The following RBFOX2 variants were observed in gnomAD, a reference collection of about 807,000 sequenced individuals.
RBFOX2 encodes the protein RNA binding fox-1 homolog 2, also known as RNA binding protein fox-1 homolog 2.
RBFOX2 carries 10 observed loss-of-function variants against 49.1 expected under a neutral mutation model. The observed-to-expected ratio is 0.20, with a 90% CI of 0.13 to 0.35. The LOEUF (loss-of-function observed/expected upper bound fraction) is 0.35. Ranked by LOEUF, RBFOX2 falls within the 10% of genes least tolerant of loss-of-function variation. The pLI is 1.00. For synonymous variants in RBFOX2, 183 were observed against 187.4 expected, an observed-to-expected ratio of 0.98 and a Z score of 0.19; for missense variants, 323 against 486.9, an observed-to-expected ratio of 0.66 and a Z score of 3.17.
Position 35,840,297 on chromosome 22 carries a change from T to TC in RBFOX2, c.-80dup, listed in dbSNP as rs943143980. On this transcript the variant is annotated 5_prime_UTR_variant, in exon 1 of 12. Transcript: ENST00000405409. ...TCCACAGCTTTCTTTTCCACCCCCCTCCCCCCCCAATCTAGCTATTTAAGG... is the reference window on the plus strand; with the variant it reads ...TCCACAGCTTTCTTTTCCACCCCCCTCCCCCCCCCAATCTAGCTATTTAAGG... The TC allele has an allele frequency of 5.1e-4, 551 of 1,089,696 alleles. 3 individuals carry two copies. Among genetic ancestry groups the TC allele is most frequent in the South Asian group, 3.9e-3 (312 of 80,114 alleles). 67.5% of individuals were successfully genotyped at this position (1,089,696 alleles called of 1,614,324 possible).
At chr22:36,003,585 T>C (rs2058511351) in intron 1 of RBFOX2, among the ~76,000 whole-genome samples, 1 of 152,242 alleles carries the variant, frequency 6.6e-6, no homozygotes, top group Admixed American at 6.5e-5. Context: ...CTTATACGTT[T>C]GAGTTTTTGG....
intron 1 of RBFOX2, among the ~76,000 whole-genome samples, chr22:35,816,073 T>A (rs990257365): frequency 2.0e-5 from 3 of 152,016 alleles, no homozygotes; most frequent in South Asian, 2.1e-4. Context: ...TCCGTTTTTT[T>A]AAAAAAATTA....
At chr22:35,860,858 G>C (rs1288905478) in intron 1 of RBFOX2, among the ~76,000 whole-genome samples, 1 of 152,060 alleles carries the variant, frequency 6.6e-6, no homozygotes, top group East Asian at 1.9e-4. Flanking sequence ...TCAAATAAAG[G>C]GTTTTTAAAG....
chr22:35,958,694 G>C (rs1220649155), intron 1 of RBFOX2, among the ~76,000 whole-genome samples: 1 of 152,122 alleles, frequency 6.6e-6, no homozygotes, highest in East Asian at 1.9e-4. Context: ...TTCTTGCTTG[G>C]AACCAATCTA....
At position 35,880,263 on chromosome 22, in the gene RBFOX2, T is replaced by A. The variant is rs111688075; in HGVS notation, c.-34+58584A>T. ...GACCGCAGTGAGGGAGAAAGAGGAGTCCAGGATGACTAAGGTTTTTTTTAG... is the reference window on the plus strand; with the variant it reads ...GACCGCAGTGAGGGAGAAAGAGGAGACCAGGATGACTAAGGTTTTTTTTAG... On this transcript the variant is annotated intron_variant, in intron 1 of 13. Transcript: ENST00000359369. Among the ~76,000 whole-genome samples, 708 of 151,460 alleles carry A rather than the reference T, an allele frequency of 4.7e-3. 9 individuals carry two copies. Among genetic ancestry groups the A allele is most frequent in the African/African-American group, 0.016 (650 of 41,254 alleles).
chr22:35,893,207 G>A (rs982374234), intron 1 of RBFOX2, among the ~76,000 whole-genome samples: 6 of 152,204 alleles, frequency 3.9e-5, no homozygotes, highest in African/African-American at 1.4e-4. Flanking sequence ...GGACTCCCAA[G>A]CCCCAGCTGG....
intron 4 of RBFOX2, among the ~76,000 whole-genome samples, chr22:35,770,477 A>G (rs1180119258): frequency 6.6e-6 from 1 of 152,180 alleles, no homozygotes; most frequent in Non-Finnish European, 1.5e-5. Context: ...CATGAAGTAA[A>G]AAGAATAGAC....
intron 1 of RBFOX2, among the ~76,000 whole-genome samples, chr22:35,862,377 AGG>A (rs200607881): frequency 2.2e-5 from 2 of 92,026 alleles, no homozygotes; most frequent in East Asian, 6.1e-4. Context: ...TTTTCTTTGG[AGG>A]GGGGGGGGAA....
chr22:35,875,612 GTGTGTGTGTGTGTGTGT>G (rs2044957608), intron 1 of RBFOX2, among the ~76,000 whole-genome samples: 1 of 24,488 alleles, frequency 4.1e-5, no homozygotes, highest in African/African-American at 1.2e-4. Flanking sequence ...ACAAGGGTGT[GTGTGTGTGTGTGTGTGT>G]GTGTGTGTGT....
chr22:36,024,953 G>A (rs898503343), intron 1 of RBFOX2, among the ~76,000 whole-genome samples: 10 of 151,590 alleles, frequency 6.6e-5, no homozygotes, highest in East Asian at 3.9e-4. Flanking sequence ...GATTACAGGC[G>A]CCTGCCACCA....
chr22:36,000,216 G>T (rs1324403796), intron 1 of RBFOX2: 1 of 152,054 alleles, frequency 6.6e-6, no homozygotes, highest in Non-Finnish European at 1.5e-5. Context: ...GGCCAGGCTG[G>T]TCTCAAACTC....
intron 1 of RBFOX2, chr22:35,997,978 G>T (rs1010047154): frequency 3.3e-5 from 5 of 152,086 alleles, no homozygotes; most frequent in African/African-American, 1.2e-4. Flanking sequence ...CTCCAGACTG[G>T]GTGACAGAGT....
At chr22:35,964,766 C>T (rs1293895850), upstream of RBFOX2, among the ~76,000 whole-genome samples, 1 of 152,178 alleles carries the variant, frequency 6.6e-6, no homozygotes, top group African/African-American at 2.4e-5. Flanking sequence ...CACGTGTCTG[C>T]TACCCATGTG....
chr22:35,849,292 CACACAA>C (rs59428714), intron 1 of RBFOX2, among the ~76,000 whole-genome samples: 8,059 of 128,512 alleles, frequency 0.063, 704 homozygotes, highest in African/African-American at 0.27. Flanking sequence ...CACACATACA[CACACAA>C]ACACACACAC....
intron 1 of RBFOX2, among the ~76,000 whole-genome samples, chr22:35,866,883 A>T (rs763817747): frequency 2.0e-5 from 3 of 152,210 alleles, no homozygotes; most frequent in Non-Finnish European, 4.4e-5. Context: ...GGCTCTAACC[A>T]GGAGTCTCAA....
rs182807495 is a variant in RBFOX2 at position 35,861,245 on chromosome 22, T to C, written c.-33-51241A>G. Among the ~76,000 whole-genome samples the C allele has an allele frequency of 6.6e-5, 10 of 152,274 alleles. No individual in the cohort carries two copies. The East Asian group carries it at 1.9e-3, about 29-fold the overall frequency. ...AGGAGAAAACTTCTGTGACCTTGGATTAGGCAAAGATTTCTAAGCTATAAC... is the reference window on the plus strand; with the variant it reads ...AGGAGAAAACTTCTGTGACCTTGGACTAGGCAAAGATTTCTAAGCTATAAC... On this transcript the variant is annotated intron_variant, in intron 1 of 13. Transcript: ENST00000359369.
chr22:36,024,596 CG>C (rs756828180), intron 1 of RBFOX2, among the ~76,000 whole-genome samples: 32 of 151,846 alleles, frequency 2.1e-4, no homozygotes, highest in Non-Finnish European at 3.8e-4. Context: ...CAAAAATTAG[CG>C]GGGTGTGGTG....
At chr22:35,856,997 A>C (rs1445402008) in intron 1 of RBFOX2, among the ~76,000 whole-genome samples, 3 of 152,198 alleles carry the variant, frequency 2.0e-5, no homozygotes, top group Admixed American at 1.3e-4. Context: ...GCACCACTGC[A>C]CTCCAGCATG....
rs373230919 is a variant in RBFOX2 at position 36,007,389 on chromosome 22, T to C, written c.186+20851A>G. ...CATGCGCCACCACACAAGTACTATT[T>C]TTTATTTGTGGTAAGCAGAATTGGC... is the stretch of plus-strand genomic sequence containing the variant. On this transcript the variant is annotated intron_variant, in intron 1 of 13. Transcript: ENST00000438146. Among the ~76,000 whole-genome samples the C allele has an allele frequency of 2.0e-4, 31 of 152,254 alleles. No individual in the cohort carries two copies. In the East Asian group the frequency reaches 5.4e-3, roughly 27 times the overall value.
Sources: gnomAD v4.1 joint callset for allele counts (sites outside exome capture counted in the v4.1 genomes callset) on GRCh38, gnomAD v4.1.1 for gene constraint, MANE v1.5 for transcripts, NCBI Gene and HGNC (gene_info 2026-07-23, HGNC 2026-07-21) for gene names.